MYH3: variants seen among roughly 807,000 people sequenced by gnomAD.
The protein encoded by MYH3 is myosin-3.
MYH3 carries 130 observed loss-of-function variants against 238.0 expected under a neutral mutation model. That is an observed-to-expected ratio of 0.55 (90% CI 0.47 to 0.63). The LOEUF (loss-of-function observed/expected upper bound fraction) is 0.63. Among genes scored for constraint, MYH3 ranks in the 30% least tolerant of loss-of-function variants. MYH3 has a pLI of 0.00. For synonymous variants in MYH3, 880 were observed against 924.1 expected, an observed-to-expected ratio of 0.95 and a Z score of 0.86; for missense variants, 1,853 against 2,374.9, an observed-to-expected ratio of 0.78 and a Z score of 4.57.
At chr17:10,643,018 C>G in intron 14 of MYH3, 22 bp from the exon 15 acceptor site, 2 of 1,614,148 alleles carry the variant, frequency 1.2e-6, no homozygotes, top group Admixed American at 1.7e-5. Flanking sequence ...ATACAACATT[C>G]ATGTGAAAAG....
At position 10,638,868 on chromosome 17, in the gene MYH3, C is replaced by G; in HGVS notation, c.3339+5G>C. 6.2e-7 allele frequency: 1 copy of G among 1,612,970 alleles called. No homozygotes were observed. Among genetic ancestry groups the G allele is most frequent in the Non-Finnish European group, 8.5e-7 (1 of 1,178,984 alleles). On this transcript the variant is annotated splice_donor_5th_base_variant and intron_variant, in intron 26 of 40. Coordinates refer to ENST00000583535, the MANE Select transcript of MYH3 (RefSeq NM_002470.4). ...ATGGAAGAGAGAAATGCAGAGGGCTCCTACCTGCAACTCTTTGATTTTCTT... is the reference window on the plus strand; with the variant it reads ...ATGGAAGAGAGAAATGCAGAGGGCTGCTACCTGCAACTCTTTGATTTTCTT...
intron 7 of MYH3, among the ~76,000 whole-genome samples, chr17:10,649,217 G>A (rs1010280380): frequency 2.0e-5 from 3 of 152,280 alleles, no homozygotes; most frequent in African/African-American, 7.2e-5. Context: ...TCAGTTGTCC[G>A]TATTCATTTC....
chr17:10,660,825 A>G (rs1048643910), upstream of MYH3, among the ~76,000 whole-genome samples: 2 of 152,052 alleles, frequency 1.3e-5, no homozygotes, highest in Non-Finnish European at 2.9e-5. Flanking sequence ...TACTAAAAAA[A>G]AATACAAAAA....
chr17:10,648,707 C>T (rs932728946), intron 7 of MYH3, 58 bp from the exon 8 acceptor site: 15 of 1,433,028 alleles, frequency 1.0e-5, no homozygotes, highest in East Asian at 4.6e-5. Flanking sequence ...TGGAGTTACA[C>T]TCTTGTTGCC....
chr17:10,664,274 ACT>A, the MYH3 span, among the ~76,000 whole-genome samples: 1 of 152,014 alleles, frequency 6.6e-6, no homozygotes, highest in African/African-American at 2.4e-5. Context: ...GCTCATGTAA[ACT>A]CTGCGAGGGA....
the MYH3 span, among the ~76,000 whole-genome samples, chr17:10,663,638 G>A: frequency 6.6e-6 from 1 of 152,190 alleles, no homozygotes; most frequent in Non-Finnish European, 1.5e-5. Flanking sequence ...GAGGGGAAAT[G>A]GGTGGCTGGG....
At chr17:10,633,039 C>G (rs1287641870) in intron 33 of MYH3, among the ~76,000 whole-genome samples, 2 of 152,134 alleles carry the variant, frequency 1.3e-5, no homozygotes. Context: ...TAGTGAAACC[C>G]TGTCTCTACT....
At chr17:10,670,810 TATTA>T in the MYH3 span, among the ~76,000 whole-genome samples, 15 of 152,330 alleles carry the variant, frequency 9.8e-5, no homozygotes, top group African/African-American at 3.6e-4. The surrounding 1 kb of genome is among the most constrained non-coding windows in gnomAD (Gnocchi z 7.0). Context: ...GATCATTAAA[TATTA>T]ATCAATAGCT....
At position 10,635,731 on chromosome 17, in the gene MYH3, G is replaced by A; in HGVS notation, c.3975+4C>T. 1.2e-6 allele frequency: 2 copies of A among 1,613,324 alleles called. No individual in the cohort carries two copies. The highest frequency in any genetic ancestry group is 1.7e-6 in the Non-Finnish European group (2 of 1,179,250). On this transcript the variant is annotated splice_donor_region_variant and intron_variant, in intron 29 of 40. Transcript: ENST00000583535. ...GGCAAAGAAGTCTTCCTTCAATGGTGTACCTTGTTCTCTTCCTCCAGCTGC... is the reference window on the plus strand; with the variant it reads ...GGCAAAGAAGTCTTCCTTCAATGGTATACCTTGTTCTCTTCCTCCAGCTGC...
At chr17:10,667,951 A>G in the MYH3 span, among the ~76,000 whole-genome samples, 1 of 152,236 alleles carries the variant, frequency 6.6e-6, no homozygotes, top group African/African-American at 2.4e-5. Context: ...ATATAAAGGA[A>G]AAAGCAAATC....
At chr17:10,670,915 A>C in the MYH3 span, among the ~76,000 whole-genome samples, 125 of 152,030 alleles carry the variant, frequency 8.2e-4, no homozygotes, top group Non-Finnish European at 1.4e-3. The surrounding 1 kb of genome is among the most constrained non-coding windows in gnomAD (Gnocchi z 7.0). Context: ...TTTGAGATGG[A>C]GTCTTCCTCT....
intron 36 of MYH3, among the ~76,000 whole-genome samples, chr17:10,631,053 C>A (rs1022301078): frequency 5.9e-5 from 9 of 152,166 alleles, no homozygotes; most frequent in African/African-American, 2.2e-4. Context: ...CTCTCCCCTG[C>A]CCCAGGGAAA....
the MYH3 span, among the ~76,000 whole-genome samples, chr17:10,665,053 T>C: frequency 2.6e-5 from 4 of 152,328 alleles, no homozygotes; most frequent in Middle Eastern, 3.4e-3. Context: ...ATCATGATAA[T>C]AGAAAATATA....
Position 10,640,146 on chromosome 17 carries a change from T to C in MYH3, c.2532A>G (p.Ala844=), listed in dbSNP as rs2285469. 0.68 allele frequency: 1,089,403 copies of C among 1,613,870 alleles called. 379,839 individuals carry two copies. Among genetic ancestry groups the C allele is most frequent in the Non-Finnish European group, 0.73 (860,827 of 1,179,960 alleles). ...FFKIKPLLKS[A]ETEKEMATMK... ...TGGTGGCCATCTCTTTCTCAGTCTC[T>C]GCACTCTTGAGGAGGGGCTTGATCT... is the stretch of plus-strand genomic sequence containing the variant. The change falls in exon 22 of 41, where the codon GCA becomes GCG. Residue 844 remains alanine (A), a synonymous_variant. Transcript: ENST00000583535.
chr17:10,657,567 T>C (rs368553374), upstream of MYH3, among the ~76,000 whole-genome samples: 1 of 152,260 alleles, frequency 6.6e-6, no homozygotes, highest in Non-Finnish European at 1.5e-5. Flanking sequence ...CCTGATGGGA[T>C]GGGATGGCCT....
chr17:10,650,453 C>T (rs1457880668), intron 5 of MYH3, 52 bp from the exon 6 acceptor site: 4 of 1,516,386 alleles, frequency 2.6e-6, no homozygotes, highest in Admixed American at 1.7e-5. Flanking sequence ...AAAGAGCTTC[C>T]CGATTCTACC....
rs1567550667 is a variant in MYH3, at chr17:10,630,125, C to T, written c.5529G>A (p.Lys1843=). The T allele has an allele frequency of 1.2e-6, 2 of 1,614,232 alleles. No individual in the cohort carries two copies. The highest frequency in any genetic ancestry group is 1.7e-6 in the Non-Finnish European group (2 of 1,180,046). The part of the protein sequence containing the change: ...KNTESVKGLR[K]YERRVKELTY... ...TCAGCTCCTTGACCCTCCGCTCATA[C>T]TTCCTCAGGCCCTTAACAGACTCTG... is the stretch of plus-strand genomic sequence containing the variant. Residue 1843 remains lysine, a synonymous_variant, in exon 38 of 41, where the codon AAG becomes AAA. Transcript: ENST00000583535.
chr17:10,646,427 C>T lies in MYH3; in HGVS notation c.899-395G>A, dbSNP rs115350032. Among the ~76,000 whole-genome samples, 150 of 152,244 alleles carry T rather than the reference C, an allele frequency of 9.9e-4. 2 individuals are homozygous for T. The highest frequency in any genetic ancestry group is 3.4e-3 in the Middle Eastern group (1 of 294). On this transcript the variant is annotated intron_variant, in intron 10 of 40. Transcript: ENST00000583535. ...TCTGTTGAAAAGCAGCAGCCTGTTT[C>T]CAAGCTGGAGACCAGAAGGCTGAGC...
At chr17:10,650,454 C>T (rs896688156) in intron 5 of MYH3, 53 bp from the exon 6 acceptor site, 9 of 1,516,492 alleles carry the variant, frequency 5.9e-6, no homozygotes, top group South Asian at 1.1e-5. Context: ...AAGAGCTTCC[C>T]GATTCTACCC....
Sources: allele counts gnomAD v4.1 joint callset (sites outside exome capture counted in the v4.1 genomes callset), GRCh38; gene constraint gnomAD v4.1.1; non-coding constraint Gnocchi (gnomAD v3.1); transcripts MANE v1.5; gene names NCBI Gene and HGNC (gene_info 2026-07-23, HGNC 2026-07-21).